LLGL1: variants seen among roughly 807,000 people sequenced by gnomAD.
LLGL1 encodes LLGL scribble cell polarity complex component 1, also known as lethal(2) giant larvae protein homolog 1.
Under a neutral mutation model 110.6 loss-of-function variants are expected in LLGL1, and 58 were observed. That is an observed-to-expected ratio of 0.52 (90% CI 0.42 to 0.65). LLGL1 has a LOEUF of 0.65. LLGL1 is among the 30% of genes least tolerant of loss of function. The pLI, the probability that LLGL1 is intolerant of heterozygous loss-of-function variation, is 0.00. For synonymous variants in LLGL1, 674 were observed against 607.2 expected, an observed-to-expected ratio of 1.11 and a Z score of -1.62; for missense variants, 1,229 against 1,462.1, an observed-to-expected ratio of 0.84 and a Z score of 2.60.
chr17:18,237,654 C>T lies in LLGL1; in HGVS notation c.1785C>T (p.Cys595=). The change falls in exon 14 of 23, where the codon TGC becomes TGT. Residue 595 remains cysteine, a synonymous_variant. Coordinates refer to ENST00000316843, the MANE Select transcript of LLGL1 (RefSeq NM_004140.4). ...TCCAGCCCCGTGTCCTGGTGCAGTG[C>T]CTGCCGCCAGCTGCTGTAACCGCTG... ...AGFQPRVLVQ[C]LPPAAVTAVT... is the part of the protein sequence containing the mutation. 1 of 1,612,246 alleles carries T rather than the reference C, an allele frequency of 6.2e-7. No individual in the cohort carries two copies. The highest frequency in any genetic ancestry group is 8.5e-7 in the Non-Finnish European group (1 of 1,179,966).
At position 18,240,889 on chromosome 17, in the gene LLGL1, C is replaced by G; in HGVS notation, c.2502+16C>G. ...GCAGTTCAAGGTGAGCCACTGTGGGCTGTGGGGGACTCTGGGGGACTCCCC... is the reference window on the plus strand; with the variant it reads ...GCAGTTCAAGGTGAGCCACTGTGGGGTGTGGGGGACTCTGGGGGACTCCCC... On this transcript the variant is annotated intron_variant, in intron 17 of 22. Transcript: ENST00000316843. The surrounding 1 kb of genome is among the most constrained non-coding windows in gnomAD (Gnocchi z 5.3). The G allele has an allele frequency of 6.7e-7, 1 of 1,500,292 alleles. No individual in the cohort carries two copies. The highest frequency in any genetic ancestry group is 2.5e-5 in the East Asian group (1 of 40,146). 92.9% of individuals were successfully genotyped at this position (1,500,292 alleles called of 1,614,324 possible). A position where few individuals can be genotyped will look rare whatever the true frequency, so the allele number is the denominator to read the frequency against.
At position 18,241,726 on chromosome 17, in the gene LLGL1, G is replaced by C. The variant is rs1482327637; in HGVS notation, c.2767+11G>C. On this transcript the variant is annotated intron_variant, in intron 18 of 22. Transcript: ENST00000316843. ...CGCGCCATGGCCAGGGTGAGGCGGG[G>C]CAGAGGCCGAGGAGGCCTTCCTCAG... The C allele has an allele frequency of 6.2e-7, 1 of 1,611,210 alleles. No individual in the cohort carries two copies. The highest frequency in any genetic ancestry group is 8.5e-7 in the Non-Finnish European group (1 of 1,178,680).
rs764009488 is a variant in LLGL1 at position 18,225,670 on chromosome 17, A to T, written c.-13A>T. 5.0e-6 allele frequency: 5 copies of T among 997,390 alleles called. No individual in the cohort carries two copies. Among genetic ancestry groups the T allele is most frequent in the South Asian group, 3.9e-5 (1 of 25,680 alleles). The allele number at this position is 997,390 out of a possible 1,614,324, so 61.8% of individuals were successfully genotyped here. A position where few individuals can be genotyped will look rare whatever the true frequency, so the allele number is the denominator to read the frequency against. ...CGGCGGCGGCGGGCGAGGCGCCTGC[A>T]GCCGGGCGCAAGATGATGAAGTTTC... On this transcript the variant is annotated 5_prime_UTR_variant, in exon 1 of 23. Coordinates refer to ENST00000316843, the MANE Select transcript of LLGL1 (RefSeq NM_004140.4).
At position 18,234,012 on chromosome 17, in the gene LLGL1, G is replaced by T; in HGVS notation, c.552-1G>T. On this transcript the variant is annotated splice_acceptor_variant, in intron 5 of 22. Transcript: ENST00000316843. LOFTEE classifies it high-confidence loss of function. ...GCTGGCTCACCTGCCTTCCTCCACA[G>T]CGTGCCAGACGACTACCGCTGTGGG... is the stretch of plus-strand genomic sequence containing the variant. 6.3e-7 allele frequency: 1 copy of T among 1,594,268 alleles called. No homozygotes were observed.
intron 16 of LLGL1, among the ~76,000 whole-genome samples, chr17:18,239,405 A>G (rs2047771484): frequency 2.6e-5 from 4 of 152,322 alleles, no homozygotes; most frequent in African/African-American, 7.2e-5. Flanking sequence ...AGTTTCAAAC[A>G]TACACAAAAA....
At chr17:18,233,020 G>C (rs1300101868) in intron 4 of LLGL1, among the ~76,000 whole-genome samples, 1 of 152,254 alleles carries the variant, frequency 6.6e-6, no homozygotes, top group Admixed American at 6.5e-5. Context: ...TGAGTCCGAC[G>C]TGAGCAGGTA....
chr17:18,234,671 T>G lies in LLGL1; in HGVS notation c.873T>G (p.Ile291Met). 1 of 1,614,124 alleles carries G rather than the reference T, an allele frequency of 6.2e-7. No individual in the cohort carries two copies. Among genetic ancestry groups the G allele is most frequent in the East Asian group, 2.2e-5 (1 of 44,878 alleles). The change falls in exon 8 of 23, where the codon ATT becomes ATG. Residue 291 changes from isoleucine to methionine, a missense_variant. Transcript: ENST00000316843. ...TPYGPFPCKA[I>M]NKILWRNCES... ...CAGGCCCCTTTCCCTGCAAGGCCATTAACAAGATTCTGTGGCGGAACTGTG... is the reference window on the plus strand; with the variant it reads ...CAGGCCCCTTTCCCTGCAAGGCCATGAACAAGATTCTGTGGCGGAACTGTG...
intron 16 of LLGL1, among the ~76,000 whole-genome samples, chr17:18,239,905 C>T (rs1004565099): frequency 6.6e-6 from 1 of 152,054 alleles, no homozygotes; most frequent in Non-Finnish European, 1.5e-5. Context: ...CACTTAATGC[C>T]TCAGGATCCA....
intron 7 of LLGL1, 57 bp downstream of exon 7, chr17:18,234,465 C>T: frequency 6.3e-7 from 1 of 1,595,282 alleles, no homozygotes; most frequent in Non-Finnish European, 8.6e-7. Flanking sequence ...CACCACTGAG[C>T]CAAGCCAAAC....
chr17:18,227,084 G>A (rs552149855), intron 1 of LLGL1, among the ~76,000 whole-genome samples: 6 of 152,324 alleles, frequency 3.9e-5, no homozygotes, highest in East Asian at 1.9e-4. Context: ...TGTGCCAGGC[G>A]CCCTGGGCTG....
rs1012000341 is a variant in LLGL1, at chr17:18,244,567, C to T, written c.*661C>T. 6.6e-6 allele frequency: 1 copy of T among 152,126 alleles called. No homozygotes were observed. The highest frequency in any genetic ancestry group is 2.1e-4 in the South Asian group (1 of 4,824). 9.4% of individuals were successfully genotyped at this position (152,126 alleles called of 1,614,324 possible). ...CCTGCAAAGAGTATTTTTCTAGCGC[C>T]TGGGCTGGACAGTTGTTTCTAAAAC... On this transcript the variant is annotated 3_prime_UTR_variant, in exon 23 of 23. Transcript: ENST00000316843.
At chr17:18,233,316 A>G (rs1415628347) in intron 4 of LLGL1, among the ~76,000 whole-genome samples, 1 of 152,148 alleles carries the variant, frequency 6.6e-6, no homozygotes, top group Non-Finnish European at 1.5e-5. Flanking sequence ...CTCTCTCCCC[A>G]GCCCTGCCTG....
intron 1 of LLGL1, 83 bp downstream of exon 1, chr17:18,225,846 T>G: frequency 2.3e-5 from 7 of 302,730 alleles, no homozygotes; most frequent in South Asian, 1.3e-4. Flanking sequence ...CGGAGCCACG[T>G]CGGGCCCGGG....
chr17:18,238,618 G>A lies in LLGL1; in HGVS notation c.2206+9G>A, dbSNP rs1198530082. The A allele has an allele frequency of 6.2e-7, 1 of 1,605,950 alleles. No homozygotes were observed. Among genetic ancestry groups the A allele is most frequent in the Non-Finnish European group, 8.5e-7 (1 of 1,176,600 alleles). On this transcript the variant is annotated intron_variant, in intron 16 of 22. Transcript: ENST00000316843. ...CACATTCCTTCGAGATGGTAAGGCAGGGGCAGGGGCAGGGACAGGGCAAGG... is the reference window on the plus strand; with the variant it reads ...CACATTCCTTCGAGATGGTAAGGCAAGGGCAGGGGCAGGGACAGGGCAAGG...
intron 22 of LLGL1, among the ~76,000 whole-genome samples, chr17:18,243,091 ATTTGT>A (rs144502873): frequency 0.23 from 34,464 of 151,142 alleles, 4,090 homozygotes; most frequent in East Asian, 0.31. Context: ...ACAAGACCAG[ATTTGT>A]TTTGTTTTGT....
intron 16 of LLGL1, among the ~76,000 whole-genome samples, chr17:18,239,267 T>C (rs141963937): frequency 2.3e-4 from 35 of 152,166 alleles, no homozygotes; most frequent in African/African-American, 7.9e-4. Context: ...GGTGTGTGGT[T>C]CAGGGAGATA....
rs1186075433 is a variant in LLGL1, at chr17:18,244,251, T to C, written c.*345T>C. ...TGCAGAGTATTTTTCCTTTTTTTTT[T>C]TTTTCTTAAAGACGGAGTCTTGCTC... On this transcript the variant is annotated 3_prime_UTR_variant, in exon 23 of 23. Transcript: ENST00000316843. 6.6e-6 allele frequency: 1 copy of C among 150,784 alleles called. No homozygotes were observed. Among genetic ancestry groups the C allele is most frequent in the East Asian group, 1.9e-4 (1 of 5,138 alleles). 9.3% of individuals were successfully genotyped at this position (150,784 alleles called of 1,614,324 possible).
intron 7 of LLGL1, 65 bp from the exon 8 acceptor site, chr17:18,234,584 A>G (rs2047647660): frequency 6.2e-7 from 1 of 1,604,134 alleles, no homozygotes; most frequent in Admixed American, 1.7e-5. Context: ...TGGAGGGCAG[A>G]GCAGGAATGG....
intron 5 of LLGL1, 24 bp from the exon 6 acceptor site, chr17:18,233,989 T>G (rs774656947): frequency 6.3e-7 from 1 of 1,595,448 alleles, no homozygotes; most frequent in South Asian, 1.1e-5. Flanking sequence ...GAAGTTCTGC[T>G]GGCTCACCTG....
Sources: gnomAD v4.1 joint callset for allele counts (sites outside exome capture counted in the v4.1 genomes callset) on GRCh38, gnomAD v4.1.1 for gene constraint, Gnocchi (gnomAD v3.1) non-coding constraint, MANE v1.5 for transcripts, NCBI Gene and HGNC (gene_info 2026-07-23, HGNC 2026-07-21) for gene names.